The following DGKB variants were observed in gnomAD, a reference collection of about 807,000 sequenced individuals.
DGKB encodes 90 kDa diacylglycerol kinase.
A neutral mutation model predicts 114.3 loss-of-function variants in DGKB; 67 were observed. The observed-to-expected ratio is 0.59, with a 90% CI of 0.48 to 0.72. The LOEUF (loss-of-function observed/expected upper bound fraction) is 0.72. Among genes scored for constraint, DGKB ranks in the 30% least tolerant of loss-of-function variants. The probability of loss-of-function intolerance (pLI) is 0.00; values close to 1 mark genes in which losing one functional copy is unlikely to be tolerated. For missense variants in DGKB, 907 were observed against 975.2 expected, an observed-to-expected ratio of 0.93 and a Z score of 0.93; for synonymous variants, 398 against 323.1, an observed-to-expected ratio of 1.23 and a Z score of -2.49.
At chr7:14,758,574 T>C (rs1348032267) in intron 2 of DGKB, among the ~76,000 whole-genome samples, 3 of 152,138 alleles carry the variant, frequency 2.0e-5, no homozygotes, top group South Asian at 2.1e-4. Context: ...AAAATTAAAA[T>C]GTAGGAAATA....
intron 20 of DGKB, among the ~76,000 whole-genome samples, chr7:14,541,890 T>C (rs1793523277): frequency 6.6e-6 from 1 of 152,212 alleles, no homozygotes; most frequent in Non-Finnish European, 1.5e-5. Flanking sequence ...ATAGTCTCTT[T>C]TGTTCTCAGC....
intron 1 of DGKB, among the ~76,000 whole-genome samples, chr7:14,877,026 A>C (rs1308520819): frequency 1.3e-5 from 2 of 152,230 alleles, no homozygotes; most frequent in Non-Finnish European, 2.9e-5. Context: ...AGTGCTACGA[A>C]GAAGCACTAA....
At chr7:14,713,927 T>C (rs1217491221) in intron 6 of DGKB, among the ~76,000 whole-genome samples, 1 of 152,142 alleles carries the variant, frequency 6.6e-6, no homozygotes, top group African/African-American at 2.4e-5. Context: ...TCATGTATTT[T>C]AAAGTCAAAA....
chr7:14,883,039 G>A (rs1213575041), intron 1 of DGKB, among the ~76,000 whole-genome samples: 1 of 151,856 alleles, frequency 6.6e-6, no homozygotes, highest in African/African-American at 2.4e-5. Flanking sequence ...GAAGATTTAA[G>A]AAGAATAGAA....
chr7:14,530,682 A>T (rs1199037028), intron 20 of DGKB, among the ~76,000 whole-genome samples: 1 of 151,554 alleles, frequency 6.6e-6, no homozygotes, highest in African/African-American at 2.4e-5. Flanking sequence ...TACAAGATAT[A>T]GCAAGGTAGT....
At chr7:14,458,085 G>C (rs779554623) in intron 21 of DGKB, among the ~76,000 whole-genome samples, 2 of 152,134 alleles carry the variant, frequency 1.3e-5, no homozygotes, top group East Asian at 3.9e-4. Context: ...TAAAAAAAAC[G>C]ATGCTCTAAA....
At chr7:14,664,655 C>A (rs775845214) in intron 13 of DGKB, among the ~76,000 whole-genome samples, 1 of 151,962 alleles carries the variant, frequency 6.6e-6, no homozygotes, top group Admixed American at 6.6e-5. Context: ...TTCAAAATAC[C>A]TATTTATGCT....
intron 16 of DGKB, among the ~76,000 whole-genome samples, chr7:14,610,517 A>T (rs1805352435): frequency 6.6e-6 from 1 of 152,070 alleles, no homozygotes; most frequent in Admixed American, 6.6e-5. Context: ...AATTAAAAAG[A>T]TTTTTTTAAA....
intron 23 of DGKB, among the ~76,000 whole-genome samples, chr7:14,331,517 T>C (rs965617278): frequency 1.3e-5 from 2 of 151,942 alleles, no homozygotes; most frequent in South Asian, 4.1e-4. Context: ...TCTAGAAAAA[T>C]TCATAATAGT....
At chr7:14,180,254 A>T (rs1340613726) in intron 23 of DGKB, among the ~76,000 whole-genome samples, 5 of 152,184 alleles carry the variant, frequency 3.3e-5, no homozygotes, top group Non-Finnish European at 5.9e-5. Context: ...GATGGGAACC[A>T]TTCTATAAGA....
intron 1 of DGKB, among the ~76,000 whole-genome samples, chr7:14,935,502 A>C (rs1785226583): frequency 1.3e-5 from 2 of 152,158 alleles, no homozygotes; most frequent in South Asian, 4.1e-4. Flanking sequence ...AAACCTTTTC[A>C]TTAGTTATTT....
At chr7:14,492,758 C>T (rs774709664) in intron 20 of DGKB, among the ~76,000 whole-genome samples, 1 of 151,840 alleles carries the variant, frequency 6.6e-6, no homozygotes, top group South Asian at 2.1e-4. Context: ...ATAATAAGGG[C>T]CAAGAAATTT....
At chr7:14,516,885 A>G (rs1788880985) in intron 20 of DGKB, among the ~76,000 whole-genome samples, 1 of 152,144 alleles carries the variant, frequency 6.6e-6, no homozygotes, top group Admixed American at 6.6e-5. Flanking sequence ...TACTGCCCAA[A>G]GCAACTTACA....
intron 2 of DGKB, among the ~76,000 whole-genome samples, chr7:14,785,808 T>A (rs1839806420): frequency 6.6e-6 from 1 of 152,102 alleles, no homozygotes; most frequent in African/African-American, 2.4e-5. Context: ...ACCATTTATT[T>A]TACACTCCAC....
At chr7:14,750,141 A>G (rs754019556) in intron 4 of DGKB, 1 of 518,608 alleles carries the variant, frequency 1.9e-6, no homozygotes. Flanking sequence ...AAATTGCCCA[A>G]CACCACAAGC....
At chr7:14,577,206 C>T (rs996807251) in intron 19 of DGKB, among the ~76,000 whole-genome samples, 5 of 152,058 alleles carry the variant, frequency 3.3e-5, no homozygotes, top group African/African-American at 9.7e-5. Context: ...AAAATGAAAA[C>T]ATGATTAATA....
rs190572162 is a variant in DGKB at position 14,183,844 on chromosome 7, G to A, written c.2123-5693C>T. Among the ~76,000 whole-genome samples the A allele has an allele frequency of 2.2e-3, 328 of 152,280 alleles. 1 individual carries two copies. The highest frequency in any genetic ancestry group is 7.2e-3 in the African/African-American group (300 of 41,568). On this transcript the variant is annotated intron_variant, in intron 23 of 25. Coordinates refer to ENST00000402815, the MANE Select transcript of DGKB (RefSeq NM_001350709.2). ...ATTGCAGCTCCAGACAGAGCAGCTCGCATTGTAAATTTTAGCTCAATAGAT... is the reference window on the plus strand; with the variant it reads ...ATTGCAGCTCCAGACAGAGCAGCTCACATTGTAAATTTTAGCTCAATAGAT...
chr7:14,948,760 G>T (rs138027503), intron 1 of DGKB, among the ~76,000 whole-genome samples: 15 of 151,664 alleles, frequency 9.9e-5, no homozygotes, highest in African/African-American at 2.9e-4. Flanking sequence ...TACTAAGAAG[G>T]AGAATCAACA....
intron 1 of DGKB, among the ~76,000 whole-genome samples, chr7:14,910,581 A>G (rs543483317): frequency 2.1e-4 from 32 of 152,296 alleles, no homozygotes; most frequent in African/African-American, 5.3e-4. Context: ...TTTAACTATT[A>G]TAACTATCCT....
Sources: allele counts gnomAD v4.1 joint callset (sites outside exome capture counted in the v4.1 genomes callset), GRCh38; gene constraint gnomAD v4.1.1; transcripts MANE v1.5; gene names NCBI Gene and HGNC (gene_info 2026-07-23, HGNC 2026-07-21).